The following ARHGAP6 variants were observed in gnomAD, a reference collection of about 807,000 sequenced individuals.
The protein encoded by ARHGAP6 is rho GTPase-activating protein 6.
Under a neutral mutation model 55.7 loss-of-function variants are expected in ARHGAP6, and 16 were observed. The observed-to-expected ratio is 0.29, with a 90% CI of 0.19 to 0.44. ARHGAP6 has a LOEUF of 0.44. Ranked by LOEUF, ARHGAP6 falls within the 20% of genes least tolerant of loss-of-function variation. The pLI is 1.00. For synonymous variants in ARHGAP6, 382 were observed against 360.9 expected (o/e 1.06, Z -0.66); for missense variants, 698 against 808.9 (o/e 0.86, Z 1.66).
At chrX:11,515,808 C>A (rs1336388069) in intron 1 of ARHGAP6, among the ~76,000 whole-genome samples, 1 of 112,279 alleles carries the variant, frequency 8.9e-6, no homozygotes, top group African/African-American at 3.2e-5. Context: ...TTTAGTTGAG[C>A]TTTATCTCAA....
intron 1 of ARHGAP6, among the ~76,000 whole-genome samples, chrX:11,467,344 G>A (rs763498138): frequency 2.7e-5 from 3 of 110,397 alleles, no homozygotes; most frequent in Non-Finnish European, 5.7e-5. Flanking sequence ...CTCCAGCCTG[G>A]GCAACAGAGC....
intron 1 of ARHGAP6, among the ~76,000 whole-genome samples, chrX:11,453,713 G>T (rs2050167590): frequency 9.0e-6 from 1 of 111,373 alleles, no homozygotes; most frequent in Non-Finnish European, 1.9e-5. Context: ...GCTCAGCAAG[G>T]TTCGTAAAAA....
At chrX:11,311,837 T>A (rs1344023173) in intron 1 of ARHGAP6, among the ~76,000 whole-genome samples, 1 of 111,751 alleles carries the variant, frequency 8.9e-6, no homozygotes, top group Non-Finnish European at 1.9e-5. Context: ...GCTATGTTAC[T>A]TTTTAAGGGA....
chrX:11,508,033 C>A (rs2050751199), intron 1 of ARHGAP6, among the ~76,000 whole-genome samples: 1 of 111,840 alleles, frequency 8.9e-6, no homozygotes, highest in Admixed American at 9.5e-5. Context: ...GAAGAAATCA[C>A]CCAAATAATG....
Position 11,358,795 on chromosome X carries a change from A to C in ARHGAP6, c.589-104088T>G, listed in dbSNP as rs1405297085. ...CCGTGCCCGGCCTTAACTATATCTT[A>C]ATTGTTTTCCTCAGGTAGCTATGAG... On this transcript the variant is annotated intron_variant, in intron 1 of 12. Coordinates refer to ENST00000337414, the MANE Select transcript of ARHGAP6 (RefSeq NM_013427.3). Among the ~76,000 whole-genome samples the C allele has an allele frequency of 2.9e-4, 32 of 111,216 alleles. No individual in the cohort carries two copies. The Admixed American group carries it at 3.1e-3, about 11-fold the overall frequency.
chrX:11,231,848 T>G (rs1602925523), intron 2 of ARHGAP6, among the ~76,000 whole-genome samples: 1 of 112,123 alleles, frequency 8.9e-6, no homozygotes, highest in African/African-American at 3.2e-5. Context: ...TGTAAAACAG[T>G]GATGATGGTA....
chrX:11,590,012 G>C (rs1303430967), intron 1 of ARHGAP6, among the ~76,000 whole-genome samples: 1 of 111,603 alleles, frequency 9.0e-6, no homozygotes, highest in Non-Finnish European at 1.9e-5. Context: ...TGAAGACACA[G>C]AGAACTTGAG....
chrX:11,196,031 G>A (rs1280455544), intron 3 of ARHGAP6, among the ~76,000 whole-genome samples: 1 of 105,569 alleles, frequency 9.5e-6, no homozygotes, highest in African/African-American at 3.5e-5. Context: ...CTACTCGGGA[G>A]GCTGAGGCAG....
chrX:11,334,106 G>C (rs1398903744), intron 1 of ARHGAP6: 1 of 106,294 alleles, frequency 9.4e-6, no homozygotes, highest in Non-Finnish European at 1.9e-5. Flanking sequence ...ATTACGCACT[G>C]TGGTTAAAAA....
At chrX:11,562,698 C>A (rs2051398893) in intron 1 of ARHGAP6, among the ~76,000 whole-genome samples, 1 of 110,678 alleles carries the variant, frequency 9.0e-6, no homozygotes, top group Admixed American at 9.6e-5. Context: ...GAGTAGCAGG[C>A]ATTACCCTAG....
chrX:11,337,198 A>G (rs775347733), intron 1 of ARHGAP6, among the ~76,000 whole-genome samples: 1 of 111,273 alleles, frequency 9.0e-6, no homozygotes, highest in Non-Finnish European at 1.9e-5. Context: ...ATATAGATGT[A>G]CATTGCATAT....
intron 1 of ARHGAP6, among the ~76,000 whole-genome samples, chrX:11,301,451 T>C (rs1294793132): frequency 8.9e-6 from 1 of 111,885 alleles, no homozygotes; most frequent in Non-Finnish European, 1.9e-5. Context: ...CCTTTTTTCT[T>C]CCTACACCCA....
At chrX:11,143,891 G>T (rs1354743314) in intron 11 of ARHGAP6, 89 bp downstream of exon 11, 1 of 1,201,717 alleles carries the variant, frequency 8.3e-7, no homozygotes, top group Non-Finnish European at 1.1e-6. Flanking sequence ...GAGACGAAGA[G>T]AAGGTCCGAA....
chrX:11,422,986 A>C (rs2049839424), intron 1 of ARHGAP6, among the ~76,000 whole-genome samples: 1 of 112,177 alleles, frequency 8.9e-6, no homozygotes, highest in Non-Finnish European at 1.9e-5. Flanking sequence ...TGGGGGTGGG[A>C]GTAGAAAAGG....
At chrX:11,233,417 GGTT>G (rs1053866588) in intron 2 of ARHGAP6, among the ~76,000 whole-genome samples, 1 of 110,531 alleles carries the variant, frequency 9.0e-6, no homozygotes, top group African/African-American at 3.3e-5. Context: ...CAGCTCACTT[GGTT>G]GTTATCTTCC....
intron 1 of ARHGAP6, among the ~76,000 whole-genome samples, chrX:11,521,096 C>A (rs1417245624): frequency 8.9e-6 from 1 of 111,814 alleles, no homozygotes; most frequent in African/African-American, 3.3e-5. Context: ...AATTTTCTCC[C>A]ATTCTGTAGG....
rs755657191 is a variant in ARHGAP6 at position 11,535,876 on chromosome X, AAAAC to A, written c.588+128361_588+128364del. On this transcript the variant is annotated intron_variant, in intron 1 of 12. Transcript: ENST00000337414. ...GCAGATATCCTTTGGGTTGGAATTTAAAACTATATTGCTATGGCTCCTGAAAACT... is the reference window on the plus strand; with the variant it reads ...GCAGATATCCTTTGGGTTGGAATTTATATATTGCTATGGCTCCTGAAAACT... Among the ~76,000 whole-genome samples the A allele has an allele frequency of 7.5e-3, 841 of 112,698 alleles. 10 individuals are homozygous for A. Among genetic ancestry groups the A allele is most frequent in the African/African-American group, 0.026 (798 of 31,038 alleles).
chrX:11,154,854 A>G (rs889209148), intron 10 of ARHGAP6, among the ~76,000 whole-genome samples: 5 of 112,568 alleles, frequency 4.4e-5, no homozygotes, highest in Non-Finnish European at 7.5e-5. Flanking sequence ...AAGCAAGACC[A>G]TAAAATACTA....
At chrX:11,405,195 T>C (rs1331471582) in intron 1 of ARHGAP6, among the ~76,000 whole-genome samples, 1 of 111,938 alleles carries the variant, frequency 8.9e-6, no homozygotes, top group East Asian at 2.8e-4. Context: ...TGTCCCTCTG[T>C]TGATTCTCAC....
Sources: allele counts gnomAD v4.1 joint callset (sites outside exome capture counted in the v4.1 genomes callset), GRCh38; gene constraint gnomAD v4.1.1; transcripts MANE v1.5; gene names NCBI Gene and HGNC (gene_info 2026-07-23, HGNC 2026-07-21).